The following FHIP2A variants were observed in gnomAD, a reference collection of about 807,000 sequenced individuals.
FHIP2A encodes the protein FHF complex subunit HOOK interacting protein 2A, also known as family with sequence similarity 160 member B1.
A neutral mutation model predicts 93.5 loss-of-function variants in FHIP2A; 46 were observed. The ratio of observed to expected loss-of-function variants is 0.49; its 90% CI spans 0.39 to 0.63. The LOEUF is 0.63. Among genes scored for constraint, FHIP2A ranks in the 20% least tolerant of loss-of-function variants. The pLI, the probability that FHIP2A is intolerant of heterozygous loss-of-function variation, is 0.00. For synonymous variants in FHIP2A, 332 were observed against 326.5 expected, an observed-to-expected ratio of 1.02 and a Z score of -0.18; for missense variants, 769 against 909.7, an observed-to-expected ratio of 0.85 and a Z score of 1.99.
Position 114,833,459 on chromosome 10 carries a change from C to T in FHIP2A, c.294+57C>T, listed in dbSNP as rs550035994. ...CATTAGTACATGCATTAATGTCTTA[C>T]GAATAAAGAAGCTGCCAAATACTTG... is the stretch of plus-strand genomic sequence containing the variant. On this transcript the variant is annotated intron_variant, in intron 3 of 16. Transcript: ENST00000369248. 773 of 1,461,410 alleles carry T rather than the reference C, an allele frequency of 5.3e-4. 4 individuals carry two copies. The highest frequency in any genetic ancestry group is 1.8e-3 in the Admixed American group (96 of 54,266). The allele number at this position is 1,461,410 out of a possible 1,614,324, so 90.5% of individuals were successfully genotyped here. A position where few individuals can be genotyped will look rare whatever the true frequency, so the allele number is the denominator to read the frequency against.
At chr10:114,889,342 A>C (rs1325863068) in intron 16 of FHIP2A, among the ~76,000 whole-genome samples, 1 of 152,220 alleles carries the variant, frequency 6.6e-6, no homozygotes, top group Non-Finnish European at 1.5e-5. Context: ...CCTGGGTTAC[A>C]GCAAATGCTA....
At chr10:114,871,623 T>A (rs1347438562) in intron 16 of FHIP2A, among the ~76,000 whole-genome samples, 1 of 152,168 alleles carries the variant, frequency 6.6e-6, no homozygotes, top group Non-Finnish European at 1.5e-5. Flanking sequence ...TATTACATAA[T>A]TGCTATTTTC....
At position 114,862,020 on chromosome 10, in the gene FHIP2A, AC is replaced by A. The variant is rs1340488117; in HGVS notation, c.*481del. ...AATTCTTATCAAACAAAATATGAAA[AC>A]TGTAAATGAGAAAAAAATACAATTC... On this transcript the variant is annotated 3_prime_UTR_variant, in exon 17 of 17. Transcript: ENST00000369248. The A allele has an allele frequency of 3.1e-6, 3 of 970,048 alleles. No individual in the cohort carries two copies. Among genetic ancestry groups the A allele is most frequent in the African/African-American group, 1.8e-5 (1 of 56,890 alleles). The allele number at this position is 970,048 out of a possible 1,614,324, so 60.1% of individuals were successfully genotyped here.
Position 114,846,111 on chromosome 10 carries a change from G to GA in FHIP2A, c.1205+29dup, listed in dbSNP as rs149954431. The stretch of plus-strand genomic sequence containing the variant: ...AAACGTGAGTAGCCTGTTTTCTTTT[G>GA]AAAAAAACCGCATCACTGTGTCATG... On this transcript the variant is annotated intron_variant, in intron 9 of 16. Coordinates refer to ENST00000369248, the MANE Select transcript of FHIP2A (RefSeq NM_020940.4). The GA allele has an allele frequency of 8.1e-6, 13 of 1,612,176 alleles. 1 individual carries two copies. The highest frequency in any genetic ancestry group is 6.6e-5 in the South Asian group (6 of 90,826).
In FHIP2A at chr10:114,835,658, A is replaced by G; in HGVS notation, c.399+17A>G. 1.5e-6 allele frequency: 2 copies of G among 1,358,740 alleles called. No homozygotes were observed. Among genetic ancestry groups the G allele is most frequent in the Non-Finnish European group, 2.0e-6 (2 of 982,836 alleles). The allele number at this position is 1,358,740 out of a possible 1,614,324, so 84.2% of individuals were successfully genotyped here. A position where few individuals can be genotyped will look rare whatever the true frequency, so the allele number is the denominator to read the frequency against. ...CCAGTGCAGGTATTTTGTTCCCCCT[A>G]CATAAAATCATTTTGTTTGATTTCT... On this transcript the variant is annotated intron_variant, in intron 4 of 16. Coordinates refer to ENST00000369248, the MANE Select transcript of FHIP2A (RefSeq NM_020940.4).
chr10:114,872,847 A>G (rs2083866308), intron 16 of FHIP2A, among the ~76,000 whole-genome samples: 1 of 152,160 alleles, frequency 6.6e-6, no homozygotes, highest in South Asian at 2.1e-4. Flanking sequence ...GATCAAATCA[A>G]CCTCCAAATC....
Position 114,864,145 on chromosome 10 carries a change from C to A in FHIP2A, c.*2605C>A. On this transcript the variant is annotated 3_prime_UTR_variant, in exon 17 of 17. Transcript: ENST00000369248. ...ATGTATATATATAAGGACCAAAATT[C>A]TTAGCTCGCTTACACTGTTGCTAGT... 1 of 980,296 alleles carries A rather than the reference C, an allele frequency of 1.0e-6. No homozygotes were observed. The highest frequency in any genetic ancestry group is 1.2e-6 in the Non-Finnish European group (1 of 824,946). 60.7% of individuals were successfully genotyped at this position (980,296 alleles called of 1,614,324 possible).
downstream of FHIP2A, among the ~76,000 whole-genome samples, chr10:114,864,992 A>AT (rs142952175): frequency 7.5e-3 from 1,114 of 148,264 alleles, 9 homozygotes; most frequent in Middle Eastern, 0.043. Context: ...CTCAAAAACA[A>AT]TTTTTTTTTT....
At chr10:114,834,075 C>T (rs1266038328) in intron 3 of FHIP2A, among the ~76,000 whole-genome samples, 1 of 151,986 alleles carries the variant, frequency 6.6e-6, no homozygotes, top group African/African-American at 2.4e-5. Flanking sequence ...AAGGGGCCTC[C>T]CCAGCCCTAA....
At chr10:114,834,427 T>C (rs968055305) in intron 3 of FHIP2A, among the ~76,000 whole-genome samples, 3 of 152,210 alleles carry the variant, frequency 2.0e-5, no homozygotes, top group African/African-American at 7.2e-5. Flanking sequence ...ATACAGGTGA[T>C]TGTAAATATA....
At chr10:114,870,307 T>C (rs2083851039) in intron 16 of FHIP2A, among the ~76,000 whole-genome samples, 1 of 152,166 alleles carries the variant, frequency 6.6e-6, no homozygotes. Context: ...ACCTTGCTTT[T>C]ATCTACAAAC....
chr10:114,891,452 A>C (rs1237799259), intron 16 of FHIP2A, among the ~76,000 whole-genome samples: 1 of 151,818 alleles, frequency 6.6e-6, no homozygotes, highest in Non-Finnish European at 1.5e-5. Context: ...AATTTTCCAT[A>C]ATACAGAGAT....
chr10:114,881,941 C>T (rs562693094), intron 16 of FHIP2A, among the ~76,000 whole-genome samples: 1 of 152,228 alleles, frequency 6.6e-6, no homozygotes, highest in South Asian at 2.1e-4. Context: ...TGCACGTGCG[C>T]GTGTGTATGT....
chr10:114,856,199 A>G (rs2083765728), intron 14 of FHIP2A, among the ~76,000 whole-genome samples: 1 of 152,220 alleles, frequency 6.6e-6, no homozygotes, highest in African/African-American at 2.4e-5. Flanking sequence ...CTAGAAAGTC[A>G]AATAAAGAAA....
chr10:114,875,528 C>T (rs974555899), intron 16 of FHIP2A, among the ~76,000 whole-genome samples: 1 of 151,654 alleles, frequency 6.6e-6, no homozygotes. Context: ...AACCCTGTCT[C>T]TAAAAAAAAA....
At chr10:114,877,890 T>C (rs1330393584) in intron 16 of FHIP2A, among the ~76,000 whole-genome samples, 1 of 152,118 alleles carries the variant, frequency 6.6e-6, no homozygotes, top group Non-Finnish European at 1.5e-5. Context: ...TTTTATCAGA[T>C]ATCAAGGATA....
chr10:114,824,582 C>T (rs1036506673), intron 1 of FHIP2A, among the ~76,000 whole-genome samples: 2 of 152,202 alleles, frequency 1.3e-5, no homozygotes, highest in Non-Finnish European at 2.9e-5. Context: ...ATGTTCTATA[C>T]TAACCTTTTT....
chr10:114,888,332 A>C (rs1366423383), intron 16 of FHIP2A, among the ~76,000 whole-genome samples: 1 of 152,180 alleles, frequency 6.6e-6, no homozygotes, highest in Non-Finnish European at 1.5e-5. Flanking sequence ...AAAGATCCCT[A>C]ATCTAGACTT....
chr10:114,839,894 A>AG (rs1274817642), intron 5 of FHIP2A, among the ~76,000 whole-genome samples: 1 of 151,794 alleles, frequency 6.6e-6, no homozygotes, highest in Non-Finnish European at 1.5e-5. Context: ...AAAAAAAAAA[A>AG]AAAAAAAGAA....
Sources: allele counts gnomAD v4.1 joint callset (sites outside exome capture counted in the v4.1 genomes callset), GRCh38; gene constraint gnomAD v4.1.1; transcripts MANE v1.5; gene names NCBI Gene and HGNC (gene_info 2026-07-23, HGNC 2026-07-21).